SMYD3: variants seen among roughly 807,000 people sequenced by gnomAD.
SMYD3 encodes the protein SET and MYND domain containing 3.
SMYD3 carries 36 observed loss-of-function variants against 57.7 expected under a neutral mutation model. The ratio of observed to expected loss-of-function variants is 0.62; its 90% CI spans 0.48 to 0.82. The LOEUF (loss-of-function observed/expected upper bound fraction) is 0.82. SMYD3 is among the 40% of genes least tolerant of loss of function. The pLI is 0.00. For missense variants in SMYD3, 515 were observed against 538.8 expected, an observed-to-expected ratio of 0.96 and a Z score of 0.44; for synonymous variants, 211 against 195.0, an observed-to-expected ratio of 1.08 and a Z score of -0.68.
intron 2 of SMYD3, among the ~76,000 whole-genome samples, chr1:246,342,246 A>AT (rs1016759844): frequency 3.3e-5 from 5 of 152,084 alleles, no homozygotes; most frequent in Non-Finnish European, 4.4e-5. Flanking sequence ...TATCACAGTG[A>AT]TTTTTTTCCT....
intron 1 of SMYD3, among the ~76,000 whole-genome samples, chr1:246,406,979 T>C (rs2066875633): frequency 6.6e-6 from 1 of 152,226 alleles, no homozygotes; most frequent in South Asian, 2.1e-4. Context: ...GCTCTCATTG[T>C]CCTGTCTTCT....
chr1:245,939,619 C>T (rs905471239), intron 5 of SMYD3, among the ~76,000 whole-genome samples: 1 of 130,818 alleles, frequency 7.6e-6, no homozygotes, highest in African/African-American at 2.5e-5. Flanking sequence ...GAGCAAGACT[C>T]CGTCTCAGGA....
At chr1:245,888,471 C>T (rs1467274582) in intron 8 of SMYD3, among the ~76,000 whole-genome samples, 1 of 152,158 alleles carries the variant, frequency 6.6e-6, no homozygotes, top group Non-Finnish European at 1.5e-5. Flanking sequence ...CAACCAAGGG[C>T]AGTACCCACA....
chr1:245,892,722 T>C (rs1318125880), intron 8 of SMYD3, among the ~76,000 whole-genome samples: 1 of 152,214 alleles, frequency 6.6e-6, no homozygotes, highest in Non-Finnish European at 1.5e-5. Flanking sequence ...TGCATACACA[T>C]AAATTAACTG....
At chr1:245,865,632 G>C (rs1257989989) in intron 8 of SMYD3, among the ~76,000 whole-genome samples, 1 of 152,218 alleles carries the variant, frequency 6.6e-6, no homozygotes, top group Non-Finnish European at 1.5e-5. Context: ...AGCATGCTCA[G>C]CAAGTCCTGC....
chr1:245,957,316 C>T (rs991045823), intron 5 of SMYD3, among the ~76,000 whole-genome samples: 1 of 152,166 alleles, frequency 6.6e-6, no homozygotes, highest in Non-Finnish European at 1.5e-5. Flanking sequence ...ATAAAGCTGA[C>T]ATGTCACCCT....
At chr1:245,979,575 T>TGCCACCAGGA (rs1244355003) in intron 5 of SMYD3, among the ~76,000 whole-genome samples, 41 of 152,332 alleles carry the variant, frequency 2.7e-4, no homozygotes, top group African/African-American at 9.6e-4. Context: ...GACAGCCTGC[T>TGCCACCAGGA]GCCACCAGGA....
At chr1:246,266,074 T>C (rs2064100249) in intron 5 of SMYD3, among the ~76,000 whole-genome samples, 1 of 152,236 alleles carries the variant, frequency 6.6e-6, no homozygotes, top group Admixed American at 6.5e-5. Context: ...ATCTTTTTAG[T>C]TCTTGTTTGC....
intron 8 of SMYD3, among the ~76,000 whole-genome samples, chr1:245,888,168 G>A (rs778026949): frequency 6.6e-6 from 1 of 152,132 alleles, no homozygotes; most frequent in Non-Finnish European, 1.5e-5. Context: ...TCACCCAAGT[G>A]GGTTGTAAAA....
intron 5 of SMYD3, among the ~76,000 whole-genome samples, chr1:245,992,486 T>C (rs1226576438): frequency 6.6e-6 from 1 of 152,224 alleles, no homozygotes; most frequent in Non-Finnish European, 1.5e-5. Context: ...AGCATGGTTC[T>C]AGAATGGCAG....
chr1:245,842,006 T>C (rs1252279291), intron 10 of SMYD3, among the ~76,000 whole-genome samples: 1 of 152,220 alleles, frequency 6.6e-6, no homozygotes, highest in Non-Finnish European at 1.5e-5. Context: ...TACCTGCCAC[T>C]GTGTTACAAC....
intron 5 of SMYD3, among the ~76,000 whole-genome samples, chr1:246,296,683 G>A (rs907940760): frequency 4.0e-5 from 6 of 151,844 alleles, no homozygotes; most frequent in African/African-American, 7.3e-5. Flanking sequence ...CTACCCCTCC[G>A]AAAAGACATT....
rs563814056 is a variant in SMYD3, at chr1:246,190,049, TGAGG to T, written c.531+137148_531+137151del. On this transcript the variant is annotated intron_variant, in intron 5 of 11. Transcript: ENST00000490107. ...CAGATTATTAAATTCACCTCCTATC[TGAGG>T]AAGGATCTCAAAGGAAAGGTAATAC... Among the ~76,000 whole-genome samples the T allele has an allele frequency of 3.1e-4, 47 of 152,356 alleles. No individual in the cohort carries two copies. In the South Asian group the frequency reaches 9.5e-3, roughly 31 times the overall value.
At chr1:245,867,653 CGTGT>C (rs1266547205) in intron 8 of SMYD3, among the ~76,000 whole-genome samples, 1 of 132,230 alleles carries the variant, frequency 7.6e-6, no homozygotes, top group Non-Finnish European at 1.7e-5. Flanking sequence ...CATGCGCGTG[CGTGT>C]GCGTGCGCGC....
intron 10 of SMYD3, among the ~76,000 whole-genome samples, chr1:245,817,437 A>C (rs1004150412): frequency 1.1e-4 from 16 of 150,110 alleles, no homozygotes; most frequent in Non-Finnish European, 5.9e-5. Context: ...TAAAACCACA[A>C]AGATGGGGAA....
intron 5 of SMYD3, among the ~76,000 whole-genome samples, chr1:246,228,266 G>T (rs1016776202): frequency 1.3e-5 from 2 of 151,968 alleles, no homozygotes; most frequent in African/African-American, 4.8e-5. Context: ...CACTGCGCCC[G>T]GCCTCACATT....
At chr1:245,869,176 G>T (rs2052038355) in intron 8 of SMYD3, among the ~76,000 whole-genome samples, 1 of 151,928 alleles carries the variant, frequency 6.6e-6, no homozygotes, top group South Asian at 2.1e-4. Flanking sequence ...TTTTTTAGGG[G>T]ATGGAAACAT....
chr1:245,855,109 A>G (rs1213869324), intron 10 of SMYD3, among the ~76,000 whole-genome samples: 1 of 152,146 alleles, frequency 6.6e-6, no homozygotes, highest in Non-Finnish European at 1.5e-5. Context: ...GTCCTCTTAA[A>G]TTGTCCTTCC....
intron 7 of SMYD3, among the ~76,000 whole-genome samples, chr1:245,924,869 G>C (rs899435543): frequency 6.6e-6 from 1 of 151,802 alleles, no homozygotes; most frequent in Non-Finnish European, 1.5e-5. Context: ...TCACCATGTC[G>C]GCCAGGCTGG....
Sources: gnomAD v4.1 joint callset for allele counts (sites outside exome capture counted in the v4.1 genomes callset) on GRCh38, gnomAD v4.1.1 for gene constraint, MANE v1.5 for transcripts, NCBI Gene and HGNC (gene_info 2026-07-23, HGNC 2026-07-21) for gene names.